Variants in AGGF1 observed in about 807,000 individuals in gnomAD.
The protein encoded by AGGF1 is angiogenic factor with G patch and FHA domains 1.
A neutral mutation model predicts 86.5 loss-of-function variants in AGGF1; 56 were observed. That is an observed-to-expected ratio of 0.65 (90% confidence interval 0.52 to 0.81). AGGF1 has a LOEUF of 0.81. Ranked by LOEUF, AGGF1 falls within the 30% of genes least tolerant of loss-of-function variation. The pLI, the probability that AGGF1 is intolerant of heterozygous loss-of-function variation, is 0.00. For synonymous variants in AGGF1, 313 were observed against 297.1 expected, an observed-to-expected ratio of 1.05 and a Z score of -0.55; for missense variants, 816 against 850.9, an observed-to-expected ratio of 0.96 and a Z score of 0.51.
At chr5:77,041,841 T>G (rs1161530637) in intron 5 of AGGF1, among the ~76,000 whole-genome samples, 1 of 148,440 alleles carries the variant, frequency 6.7e-6, no homozygotes, top group Non-Finnish European at 1.5e-5. Flanking sequence ...TATTGATAAT[T>G]CTTGGGTGTT....
chr5:77,038,862 C>G (rs1747009866), intron 4 of AGGF1, among the ~76,000 whole-genome samples: 1 of 151,996 alleles, frequency 6.6e-6, no homozygotes, highest in Admixed American at 6.6e-5. Flanking sequence ...TTTTATCTTT[C>G]TGGTTTTTAA....
chr5:77,035,659 A>G lies in AGGF1; in HGVS notation c.432A>G (p.Gln144=). The G allele has an allele frequency of 6.2e-7, 1 of 1,613,722 alleles. No homozygotes were observed. Among genetic ancestry groups the G allele is most frequent in the Non-Finnish European group, 8.5e-7 (1 of 1,179,754 alleles). Residue 144 remains glutamine, a synonymous_variant, in exon 3 of 14, where the codon CAA becomes CAG. Transcript: ENST00000312916. ...TSILNSKDHL[Q]VENDAYPGTD... ...TTTTGAATTCTAAAGACCATTTACA[A>G]GTAGAAAATGATGCTTACCCTGGTA...
chr5:77,055,532 A>G lies in AGGF1; in HGVS notation c.1652A>G (p.Lys551Arg), dbSNP rs539838201. 2.6e-4 allele frequency: 417 copies of G among 1,604,076 alleles called. 3 individuals are homozygous for G. In the South Asian group the frequency reaches 4.3e-3, roughly 16 times the overall value. ...DESFVGPTLS[K>R]EEKELERRKE... The stretch of plus-strand genomic sequence containing the variant: ...CTTTCAGTTGGTCCAACACTAAGTA[A>G]GGAGGAAAAAGAGTTGGAAAGAAGA... Residue 551 changes from lysine (K) to arginine (R), a missense_variant, in exon 11 of 14, where the codon AAG becomes AGG. Lys to Arg is a conservative substitution (Grantham distance 26). This residue lies in a region of AGGF1 where 565 missense variants were observed against 585.8 expected (regional missense o/e 0.96). Coordinates refer to ENST00000312916, the MANE Select transcript of AGGF1 (RefSeq NM_018046.5).
chr5:77,042,154 C>T (rs1176560700), intron 5 of AGGF1, among the ~76,000 whole-genome samples: 2 of 151,976 alleles, frequency 1.3e-5, no homozygotes, highest in Admixed American at 1.3e-4. Flanking sequence ...AACAGGATCC[C>T]AAGGCAGAGG....
chr5:77,035,252 A>T (rs921948601), intron 2 of AGGF1, among the ~76,000 whole-genome samples: 1 of 152,150 alleles, frequency 6.6e-6, no homozygotes, highest in Non-Finnish European at 1.5e-5. Flanking sequence ...CAACCTATCT[A>T]CAGATTTTTA....
chr5:77,033,239 A>G (rs1746904476), intron 1 of AGGF1, among the ~76,000 whole-genome samples: 1 of 152,224 alleles, frequency 6.6e-6, no homozygotes, highest in African/African-American at 2.4e-5. Flanking sequence ...TTGCTTGAGA[A>G]TGATAACTGG....
At chr5:77,035,509 T>C (rs1319859970) in intron 2 of AGGF1, 32 bp from the exon 3 acceptor site, 1 of 1,519,020 alleles carries the variant, frequency 6.6e-7, no homozygotes, top group Non-Finnish European at 9.1e-7. Flanking sequence ...TATTCTAATA[T>C]GATACGATTT....
chr5:77,033,528 A>G (rs1746910150), intron 1 of AGGF1, among the ~76,000 whole-genome samples: 1 of 152,182 alleles, frequency 6.6e-6, no homozygotes, highest in Admixed American at 6.5e-5. Flanking sequence ...ATGGGGCACT[A>G]ATTCCCAGCG....
chr5:77,054,037 T>A lies in AGGF1; in HGVS notation c.1540T>A (p.Phe514Ile). Residue 514 changes from phenylalanine (F) to isoleucine (I), a missense_variant, in exon 10 of 14, where the codon TTT becomes ATT. Physicochemically the swap from Phe to Ile is conservative, Grantham distance 21. This residue lies in a region of AGGF1 where 565 missense variants were observed against 585.8 expected (regional missense o/e 0.96). Transcript: ENST00000312916. ...EVKIGETVLS[F>I]HIHPGSDTCD... ...CAAAATTGGAGAAACTGTCTTATCC[T>A]TTCACATTCATCCTGGCAGTGATAC... 6.2e-7 allele frequency: 1 copy of A among 1,614,164 alleles called. No individual in the cohort carries two copies. The highest frequency in any genetic ancestry group is 8.5e-7 in the Non-Finnish European group (1 of 1,180,018).
intron 10 of AGGF1, among the ~76,000 whole-genome samples, chr5:77,054,919 C>G (rs569537716): frequency 6.6e-6 from 1 of 152,146 alleles, no homozygotes; most frequent in South Asian, 2.1e-4. Context: ...TGTATATTGT[C>G]TATGTACCAT....
intron 1 of AGGF1, among the ~76,000 whole-genome samples, chr5:77,031,676 C>G (rs977355299): frequency 6.6e-6 from 1 of 151,910 alleles, no homozygotes; most frequent in Non-Finnish European, 1.5e-5. Flanking sequence ...GGCAGATCAC[C>G]AGGTCAGGAG....
In AGGF1 at chr5:77,039,697, C is replaced by T. The variant is rs1171715592; in HGVS notation, c.848C>T (p.Ser283Phe). 1.3e-5 allele frequency: 21 copies of T among 1,611,628 alleles called. No homozygotes were observed. Among genetic ancestry groups the T allele is most frequent in the African/African-American group, 2.7e-5 (2 of 74,752 alleles). ...AAGAAGAAAAGAAAAGATCCAGATT[C>T]TTCTGCAACAAATGAGGAAAAGGTA... Reference protein sequence around the residue: ...KLKKKRKDPDSSATNEEKDLN... With the variant: ...KLKKKRKDPDFSATNEEKDLN... The change falls in exon 5 of 14, where the codon TCT becomes TTT. Residue 283 changes from serine (S) to phenylalanine (F), a missense_variant. Transcript: ENST00000312916.
At chr5:77,061,358 A>G (rs929470726) in intron 12 of AGGF1, among the ~76,000 whole-genome samples, 23 of 152,306 alleles carry the variant, frequency 1.5e-4, no homozygotes, top group Admixed American at 1.2e-3. Context: ...TGTGTTCCAC[A>G]TTATTTTGTT....
intron 8 of AGGF1, among the ~76,000 whole-genome samples, chr5:77,050,306 C>CTTTTTTTTTT (rs10595061): frequency 6.0e-4 from 46 of 76,570 alleles, no homozygotes; most frequent in East Asian, 8.3e-4. Context: ...TTCTTTGTTT[C>CTTTTTTTTTT]TTTTTTTTTT....
Position 77,030,926 on chromosome 5 carries a change from G to C in AGGF1, c.160G>C (p.Glu54Gln), listed in dbSNP as rs1746836289. ...REIEKLLHHT[E>Q]RLYQNAESNN... ...GATCGAGAAGCTGCTGCATCACACA[G>C]AACGGCTGTACCAGAACGCAGAAAG... The change falls in exon 1 of 14, where the codon GAA (glutamate) becomes CAA (glutamine). Residue 54 changes from glutamate to glutamine, a missense_variant. This residue lies in a region of AGGF1 where 240 missense variants were observed against 234.4 expected (regional missense o/e 1.02). Coordinates refer to ENST00000312916, the MANE Select transcript of AGGF1 (RefSeq NM_018046.5). 1.2e-6 allele frequency: 2 copies of C among 1,613,290 alleles called. No individual in the cohort carries two copies. The highest frequency in any genetic ancestry group is 1.7e-6 in the Non-Finnish European group (2 of 1,180,006).
intron 5 of AGGF1, among the ~76,000 whole-genome samples, chr5:77,040,391 T>A (rs556722278): frequency 1.4e-3 from 206 of 149,026 alleles, no homozygotes; most frequent in African/African-American, 5.0e-3. Flanking sequence ...ATTACAGGCA[T>A]GAGCCACCGC....
rs558738015 is a variant in AGGF1 at position 77,039,837 on chromosome 5, G to T, written c.870+118G>T. On this transcript the variant is annotated intron_variant, in intron 5 of 13. Coordinates refer to ENST00000312916, the MANE Select transcript of AGGF1 (RefSeq NM_018046.5). The stretch of plus-strand genomic sequence containing the variant: ...TCTGCATTTCAAACATACCCATTAA[G>T]ATAACCTAGGAAAGTTTAGATGGAG... 142 of 857,136 alleles carry T rather than the reference G, an allele frequency of 1.7e-4. No individual in the cohort carries two copies. In the African/African-American group the frequency reaches 2.2e-3, roughly 13 times the overall value. The allele number at this position is 857,136 out of a possible 1,614,324, so 53.1% of individuals were successfully genotyped here. A position where few individuals can be genotyped will look rare whatever the true frequency, so the allele number is the denominator to read the frequency against.
rs1201364566 is a variant in AGGF1, at chr5:77,046,477, C to T, written c.1001C>T (p.Thr334Ile). The change falls in exon 6 of 14, where the codon ACT becomes ATT. Residue 334 changes from threonine to isoleucine, a missense_variant. This residue lies in a region of AGGF1 where 565 missense variants were observed against 585.8 expected (regional missense o/e 0.96). Transcript: ENST00000312916. ...IHHKNSPPKV[T>I]VPTSGNTIES... Reference sequence around the variant, plus strand: ...CACAAAAATAGTCCCCCCAAAGTCACTGTTCCAACTAGTGGAAATACTATA... The same window carrying T: ...CACAAAAATAGTCCCCCCAAAGTCATTGTTCCAACTAGTGGAAATACTATA... 6 of 1,613,976 alleles carry T rather than the reference C, an allele frequency of 3.7e-6. No homozygotes were observed. In the African/African-American group the frequency reaches 5.3e-5, roughly 14 times the overall value.
At chr5:77,043,626 G>A (rs1241108287) in intron 5 of AGGF1, among the ~76,000 whole-genome samples, 1 of 141,268 alleles carries the variant, frequency 7.1e-6, no homozygotes, top group Admixed American at 6.9e-5. Context: ...CCGGGCGGGG[G>A]GGCTGACCCC....
Sources: allele counts gnomAD v4.1 joint callset (sites outside exome capture counted in the v4.1 genomes callset), GRCh38; gene constraint gnomAD v4.1.1; regional missense constraint gnomAD v4.1.1; transcripts MANE v1.5; gene names NCBI Gene and HGNC (gene_info 2026-07-23, HGNC 2026-07-21).